TTLL5: variants seen among roughly 807,000 people sequenced by gnomAD.
TTLL5 encodes the protein tubulin polyglutamylase TTLL5.
A neutral mutation model predicts 168.4 loss-of-function variants in TTLL5; 132 were observed. That is an observed-to-expected ratio of 0.78 (90% CI 0.68 to 0.91). The LOEUF is 0.91. Among genes scored for constraint, TTLL5 ranks in the 40% least tolerant of loss-of-function variants. TTLL5 has a pLI of 0.00. For missense variants in TTLL5, 1,545 were observed against 1,581.5 expected (o/e 0.98, Z 0.39); for synonymous variants, 546 against 558.6 (o/e 0.98, Z 0.32).
At chr14:75,687,399 G>A (rs1294995909) in intron 5 of TTLL5, among the ~76,000 whole-genome samples, 1 of 151,832 alleles carries the variant, frequency 6.6e-6, no homozygotes, top group Non-Finnish European at 1.5e-5. Context: ...TCAGCCTCCC[G>A]AGTAGCTGGG....
intron 29 of TTLL5, among the ~76,000 whole-genome samples, chr14:75,874,833 T>C (rs1046878085): frequency 1.3e-5 from 2 of 151,854 alleles, no homozygotes; most frequent in East Asian, 1.9e-4. Context: ...CGTGTGTGTG[T>C]GTGCGTGCAC....
intron 20 of TTLL5, among the ~76,000 whole-genome samples, chr14:75,770,927 A>T (rs143994171): frequency 4.4e-4 from 67 of 152,298 alleles, no homozygotes; most frequent in African/African-American, 1.6e-3. Context: ...GAGTCCCTTT[A>T]TAGGATTTAT....
intron 12 of TTLL5, among the ~76,000 whole-genome samples, chr14:75,721,057 A>C (rs1887804993): frequency 6.6e-6 from 1 of 152,220 alleles, no homozygotes; most frequent in African/African-American, 2.4e-5. Context: ...CAGTTCCAAG[A>C]AGCTCTGGCT....
chr14:75,851,701 T>C, intron 28 of TTLL5, among the ~76,000 whole-genome samples: 1 of 152,168 alleles, frequency 6.6e-6, no homozygotes, highest in East Asian at 1.9e-4. Context: ...GACTGGCAAA[T>C]GGACTTTACT....
chr14:75,691,927 T>C (rs1045400961), intron 6 of TTLL5, among the ~76,000 whole-genome samples: 1 of 152,226 alleles, frequency 6.6e-6, no homozygotes, highest in Non-Finnish European at 1.5e-5. Context: ...TCACCATTTA[T>C]CTAATAGCGT....
chr14:75,728,481 C>A (rs914536335), intron 12 of TTLL5, among the ~76,000 whole-genome samples: 6 of 151,950 alleles, frequency 3.9e-5, no homozygotes, highest in African/African-American at 1.5e-4. Context: ...TAGTTTGGAG[C>A]CTGGTGGATG....
chr14:75,854,156 A>C (rs940053249), intron 28 of TTLL5, among the ~76,000 whole-genome samples: 6 of 152,168 alleles, frequency 3.9e-5, no homozygotes, highest in African/African-American at 1.4e-4. Flanking sequence ...GAACATTTCC[A>C]TCACACTTCA....
intron 10 of TTLL5, 133 bp from the exon 11 acceptor site, chr14:75,719,602 G>A (rs977354545): frequency 3.6e-4 from 231 of 649,880 alleles, no homozygotes; most frequent in Middle Eastern, 1.2e-3. Context: ...AAGAAAAAAT[G>A]AGTAACTGGA....
intron 26 of TTLL5, among the ~76,000 whole-genome samples, chr14:75,786,202 T>C (rs1892351928): frequency 6.6e-6 from 1 of 152,202 alleles, no homozygotes; most frequent in African/African-American, 2.4e-5. Context: ...TGATTTAATT[T>C]TCTAAAATCG....
intron 28 of TTLL5, among the ~76,000 whole-genome samples, chr14:75,848,644 G>A (rs987419984): frequency 2.6e-5 from 4 of 152,036 alleles, no homozygotes; most frequent in African/African-American, 9.7e-5. Context: ...GGCTTCATGT[G>A]GTATGCTGGT....
intron 12 of TTLL5, among the ~76,000 whole-genome samples, chr14:75,729,521 T>C (rs1888400271): frequency 6.6e-6 from 1 of 151,388 alleles, no homozygotes; most frequent in Non-Finnish European, 1.5e-5. Flanking sequence ...GCTGAATTGA[T>C]TGTGTTCAAA....
At chr14:75,717,496 T>C (rs1887546294) in intron 9 of TTLL5, among the ~76,000 whole-genome samples, 4 of 152,208 alleles carry the variant, frequency 2.6e-5, no homozygotes, top group Admixed American at 2.6e-4. Context: ...TAGCTATATT[T>C]TCAATTTTCA....
chr14:75,740,114 C>G (rs1889160481), intron 15 of TTLL5, among the ~76,000 whole-genome samples: 1 of 152,160 alleles, frequency 6.6e-6, no homozygotes, highest in Non-Finnish European at 1.5e-5. Flanking sequence ...TAACCCCTAA[C>G]TGGAAATATA....
At chr14:75,886,557 A>G (rs2032131361) in intron 30 of TTLL5, 3 of 1,007,748 alleles carry the variant, frequency 3.0e-6, no homozygotes, top group African/African-American at 1.6e-5. Flanking sequence ...TCTCAAATTC[A>G]TATACTTGTA....
chr14:75,859,015 G>A (rs1056596300), intron 28 of TTLL5, among the ~76,000 whole-genome samples: 1 of 152,206 alleles, frequency 6.6e-6, no homozygotes, highest in Non-Finnish European at 1.5e-5. Flanking sequence ...TTGCAAGCAC[G>A]ATCAAAAAGA....
intron 26 of TTLL5, among the ~76,000 whole-genome samples, chr14:75,783,916 A>G (rs1892211270): frequency 6.6e-6 from 1 of 152,246 alleles, no homozygotes; most frequent in African/African-American, 2.4e-5. Context: ...AATGACCTGA[A>G]TAAATAACCA....
chr14:75,724,016 GT>G (rs200530235), intron 12 of TTLL5, among the ~76,000 whole-genome samples: 1,921 of 143,322 alleles, frequency 0.013, 26 homozygotes, highest in African/African-American at 0.04. Flanking sequence ...TAAGCTAGTT[GT>G]TTTTTTTTTT....
At chr14:75,775,174 A>G (rs1358924450) in intron 21 of TTLL5, among the ~76,000 whole-genome samples, 2 of 152,068 alleles carry the variant, frequency 1.3e-5, no homozygotes, top group Non-Finnish European at 2.9e-5. Flanking sequence ...TACCTTCCCT[A>G]AATAGTGCTA....
At chr14:75,728,583 G>A (rs563862143) in intron 12 of TTLL5, among the ~76,000 whole-genome samples, 1 of 152,236 alleles carries the variant, frequency 6.6e-6, no homozygotes, top group South Asian at 2.1e-4. Flanking sequence ...TTGAATACCT[G>A]TGGAATATCC....
Sources: allele counts gnomAD v4.1 joint callset (sites outside exome capture counted in the v4.1 genomes callset), GRCh38; gene constraint gnomAD v4.1.1; transcripts MANE v1.5; gene names NCBI Gene and HGNC (gene_info 2026-07-23, HGNC 2026-07-21).